CFAP44: variants seen among roughly 807,000 people sequenced by gnomAD.
The protein encoded by CFAP44 is cilia- and flagella-associated protein 44.
Under a neutral mutation model 216.2 loss-of-function variants are expected in CFAP44, and 134 were observed. The ratio of observed to expected loss-of-function variants is 0.62; its 90% confidence interval spans 0.54 to 0.72. The LOEUF (loss-of-function observed/expected upper bound fraction) is 0.72. Ranked by LOEUF, CFAP44 falls within the 30% of genes least tolerant of loss-of-function variation. The pLI is 0.00. For synonymous variants in CFAP44, 700 were observed against 727.6 expected (o/e 0.96, Z 0.61); for missense variants, 2,035 against 2,182.1 (o/e 0.93, Z 1.34).
chr3:113,390,568 G>A (rs1010293027), intron 15 of CFAP44, among the ~76,000 whole-genome samples: 2 of 152,092 alleles, frequency 1.3e-5, no homozygotes, highest in African/African-American at 4.8e-5. Context: ...CTTGTTTGCA[G>A]ATTATATGAT....
At chr3:113,432,459 C>T (rs1935130878) in intron 2 of CFAP44, among the ~76,000 whole-genome samples, 1 of 152,106 alleles carries the variant, frequency 6.6e-6, no homozygotes, top group African/African-American at 2.4e-5. Flanking sequence ...TCAACTTTTC[C>T]CTGCTTAACA....
At chr3:113,362,606 T>A (rs565625620) in intron 21 of CFAP44, among the ~76,000 whole-genome samples, 58 of 152,240 alleles carry the variant, frequency 3.8e-4, no homozygotes, top group Middle Eastern at 3.4e-3. Context: ...TCTGGTAAGA[T>A]CCATAGTTAA....
At position 113,363,278 on chromosome 3, in the gene CFAP44, T is replaced by G. The variant is rs767041703; in HGVS notation, c.2801A>C (p.His934Pro). The G allele has an allele frequency of 6.2e-7, 1 of 1,611,362 alleles. No individual in the cohort carries two copies. The highest frequency in any genetic ancestry group is 1.3e-5 in the African/African-American group (1 of 74,916). The change falls in exon 21 of 35, where the codon CAT (histidine) becomes CCT (proline). Residue 934 changes from histidine (H) to proline (P), a missense_variant. Transcript: ENST00000393845. The part of the protein sequence containing the change: ...SIENARRKRE[H>P]DKLMKEVGEI... ...TCCCACTTCTTTCATTAACTTGTCA[T>G]GTTCTCTTTTTCTCCTAGCATTCTC... is the stretch of plus-strand genomic sequence containing the variant.
At position 113,401,178 on chromosome 3, in the gene CFAP44, G is replaced by A. The variant is rs553480865; in HGVS notation, c.1374+62C>T. 1.9e-5 allele frequency: 27 copies of A among 1,447,608 alleles called. No homozygotes were observed. In the Admixed American group the frequency reaches 4.3e-4, roughly 23 times the overall value. 89.7% of individuals were successfully genotyped at this position (1,447,608 alleles called of 1,614,324 possible). A position where few individuals can be genotyped will look rare whatever the true frequency, so the allele number is the denominator to read the frequency against. On this transcript the variant is annotated intron_variant, in intron 11 of 34. Coordinates refer to ENST00000393845, the MANE Select transcript of CFAP44 (RefSeq NM_001164496.2). ...GGAGAAAGATAAAGAATACTTTAAA[G>A]ACAAATAACAAAAGTTTTTACTATG...
Position 113,330,600 on chromosome 3 carries a change from A to G in CFAP44, c.3684T>C (p.Val1228=). 6.5e-7 allele frequency: 1 copy of G among 1,537,192 alleles called. No individual in the cohort carries two copies. The highest frequency in any genetic ancestry group is 8.7e-7 in the Non-Finnish European group (1 of 1,146,860). Reference sequence around the variant, plus strand: ...CTTGTACCAGGCACTGTATTTCCTCAACAACAGCCACTTTAAGGTCTCTAA... The same window carrying G: ...CTTGTACCAGGCACTGTATTTCCTCGACAACAGCCACTTTAAGGTCTCTAA... ...LSLRDLKVAV[V]EEIQCLVQEL... The change falls in exon 26 of 35, where the codon GTT becomes GTC. Residue 1228 remains valine, a synonymous_variant. Transcript: ENST00000393845.
At chr3:113,412,989 A>G (rs1934532630) in intron 6 of CFAP44, among the ~76,000 whole-genome samples, 1 of 152,198 alleles carries the variant, frequency 6.6e-6, no homozygotes, top group Non-Finnish European at 1.5e-5. Context: ...CATTCCCACC[A>G]AAAGTGTAAA....
At chr3:113,294,931 A>G (rs1006770387) in intron 33 of CFAP44, 110 bp from the exon 34 acceptor site, 2 of 1,248,954 alleles carry the variant, frequency 1.6e-6, no homozygotes, top group Admixed American at 3.2e-5. Flanking sequence ...CAATGTGCCC[A>G]TATGAAAATA....
intron 15 of CFAP44, among the ~76,000 whole-genome samples, chr3:113,383,218 C>T (rs1349939235): frequency 3.9e-5 from 6 of 152,178 alleles, no homozygotes; most frequent in African/African-American, 9.7e-5. Context: ...TAATAGAATA[C>T]CATAAACTAA....
chr3:113,366,389 AAATT>A, intron 18 of CFAP44, 80 bp from the exon 19 acceptor site: 1 of 1,501,962 alleles, frequency 6.7e-7, no homozygotes, highest in Admixed American at 2.0e-5. Flanking sequence ...ACAAGTGGCT[AAATT>A]AATAACAAAG....
Position 113,403,998 on chromosome 3 carries a change from A to G in CFAP44, c.1024T>C (p.Trp342Arg), listed in dbSNP as rs2107364060. ...CCTTCCCAAAGCAGCATGTTGCCCC[A>G]TTCTGACCCTGAGAGCACCTGGCAG... Reference protein sequence around the residue: ...PDGKVLSGSEWGNMLLWEGGL... With the variant: ...PDGKVLSGSERGNMLLWEGGL... Residue 342 changes from tryptophan to arginine, a missense_variant, in exon 9 of 35, where the codon TGG (tryptophan) becomes CGG (arginine). Physicochemically the swap from Trp to Arg is moderately radical, Grantham distance 101. This residue lies in a region of CFAP44 where 1,883 missense variants were observed against 2,023.7 expected (regional missense o/e 0.93). Transcript: ENST00000393845. The G allele has an allele frequency of 6.2e-7, 1 of 1,613,848 alleles. No individual in the cohort carries two copies. Among genetic ancestry groups the G allele is most frequent in the Non-Finnish European group, 8.5e-7 (1 of 1,179,856 alleles).
chr3:113,323,624 G>A (rs1476402430), intron 28 of CFAP44, among the ~76,000 whole-genome samples: 1 of 152,086 alleles, frequency 6.6e-6, no homozygotes, highest in African/African-American at 2.4e-5. Context: ...AATGCAACAG[G>A]TGATATTACT....
Position 113,346,364 on chromosome 3 carries a change from C to T in CFAP44, c.3066-1652G>A, listed in dbSNP as rs542416741. The stretch of plus-strand genomic sequence containing the variant: ...CACCAATCAGCACTCTGTAAAAACG[C>T]ACCAATCAGCGCTCCGTGCCTAGCT... On this transcript the variant is annotated intron_variant, in intron 22 of 34. Coordinates refer to ENST00000393845, the MANE Select transcript of CFAP44 (RefSeq NM_001164496.2). Among the ~76,000 whole-genome samples the T allele has an allele frequency of 7.3e-4, 111 of 151,606 alleles. 1 individual carries two copies. The highest frequency in any genetic ancestry group is 2.4e-3 in the African/African-American group (101 of 41,302).
Position 113,435,860 on chromosome 3 carries a change from T to C in CFAP44, c.-5-2191A>G, listed in dbSNP as rs1336182083. On this transcript the variant is annotated intron_variant, in intron 1 of 34. Transcript: ENST00000393845. ...TTACTTTTTAAAAAGTGTATGTACG[T>C]GTGTGTGTGTGTGTGTGTGTGTGTG... is the stretch of plus-strand genomic sequence containing the variant. 7.0e-5 allele frequency among the ~76,000 whole-genome samples: 3 copies of C among 42,852 alleles called. No individual in the cohort carries two copies. The East Asian group carries it at 4.3e-3, about 61-fold the overall frequency. 28.1% of individuals were successfully genotyped at this position (42,852 alleles called of 152,430 possible). A position where few individuals can be genotyped will look rare whatever the true frequency, so the allele number is the denominator to read the frequency against.
intron 4 of CFAP44, among the ~76,000 whole-genome samples, chr3:113,425,351 C>T (rs1423115361): frequency 6.6e-6 from 1 of 152,196 alleles, no homozygotes. Flanking sequence ...CAGTACATTG[C>T]CAGCTAAGGA....
chr3:113,318,595 C>T (rs1950110876), intron 28 of CFAP44, among the ~76,000 whole-genome samples: 1 of 152,066 alleles, frequency 6.6e-6, no homozygotes, highest in African/African-American at 2.4e-5. Context: ...AGATATGATA[C>T]AAGATGACCA....
In CFAP44 at chr3:113,417,734, C is replaced by T. The variant is rs1343728132; in HGVS notation, c.571-1107G>A. Among the ~76,000 whole-genome samples the T allele has an allele frequency of 2.0e-5, 3 of 152,100 alleles. No individual in the cohort carries two copies. In the East Asian group the frequency reaches 5.8e-4, roughly 29 times the overall value. On this transcript the variant is annotated intron_variant, in intron 5 of 34. Coordinates refer to ENST00000393845, the MANE Select transcript of CFAP44 (RefSeq NM_001164496.2). ...GAGGCACAGAGTTCAAGTAACTTGCCTGCAGTCACACAGTCTACAATGTGT... is the reference window on the plus strand; with the variant it reads ...GAGGCACAGAGTTCAAGTAACTTGCTTGCAGTCACACAGTCTACAATGTGT...
chr3:113,326,383 T>G (rs1950189869), intron 28 of CFAP44, 62 bp downstream of exon 28: 1 of 1,387,832 alleles, frequency 7.2e-7, no homozygotes. Flanking sequence ...GGTCCCTTAG[T>G]TACCTCTCTA....
intron 30 of CFAP44, among the ~76,000 whole-genome samples, chr3:113,305,458 A>G (rs1190479925): frequency 6.6e-6 from 1 of 152,198 alleles, no homozygotes; most frequent in Non-Finnish European, 1.5e-5. Context: ...GCCCATCAGC[A>G]TGGAATGTCT....
intron 2 of CFAP44, among the ~76,000 whole-genome samples, chr3:113,432,699 A>G (rs1486896): frequency 0.99 from 150,327 of 152,334 alleles, 74,207 homozygotes; most frequent in Middle Eastern, 1. Flanking sequence ...CATGCTTACT[A>G]TTTTTAGTAT....
Sources: allele counts gnomAD v4.1 joint callset (sites outside exome capture counted in the v4.1 genomes callset), GRCh38; gene constraint gnomAD v4.1.1; regional missense constraint gnomAD v4.1.1; transcripts MANE v1.5; gene names NCBI Gene and HGNC (gene_info 2026-07-23, HGNC 2026-07-21).